Variants in RTEL1 observed in about 807,000 individuals in gnomAD.
The protein encoded by RTEL1 is regulator of telomere length.
Under a neutral mutation model 162.2 loss-of-function variants are expected in RTEL1, and 86 were observed. The observed-to-expected ratio is 0.53, with a 90% CI of 0.45 to 0.63. The LOEUF is 0.63. Ranked by LOEUF, RTEL1 falls within the 30% of genes least tolerant of loss-of-function variation. RTEL1 has a pLI of 0.00. For synonymous variants in RTEL1, 958 were observed against 717.9 expected, an observed-to-expected ratio of 1.33 and a Z score of -5.35; for missense variants, 1,941 against 1,750.2, an observed-to-expected ratio of 1.11 and a Z score of -1.95.
intron 30 of RTEL1, among the ~76,000 whole-genome samples, chr20:63,693,906 A>T (rs898482311): frequency 6.6e-6 from 1 of 150,442 alleles, no homozygotes; most frequent in African/African-American, 2.5e-5. Context: ...TGGGGGGTCA[A>T]CTGCACACGC....
intron 22 of RTEL1, 100 bp from the exon 23 acceptor site, chr20:63,689,402 T>G: frequency 1.5e-6 from 2 of 1,354,716 alleles, no homozygotes; most frequent in South Asian, 1.5e-5. Context: ...CTCCCACCCC[T>G]GGTTGGGGAC....
intron 9 of RTEL1, 40 bp from the exon 10 acceptor site, chr20:63,673,900 T>G (rs1050459022): frequency 6.4e-7 from 1 of 1,569,498 alleles, no homozygotes; most frequent in African/African-American, 1.4e-5. Context: ...CCCCCGATCC[T>G]GTCCTGTTCT....
Position 63,695,843 on chromosome 20 carries a change from G to A in RTEL1, c.3888G>A (p.Trp1296Ter). Residue 1296 changes from tryptophan to a stop codon, truncating the protein, a stop_gained, in exon 35 of 35, where the codon TGG becomes TGA. Coordinates refer to ENST00000360203, the MANE Select transcript of RTEL1 (RefSeq NM_001283009.2). LOFTEE classifies it high-confidence loss of function. The part of the protein sequence containing the change: ...SRKQSVMQVF[W>*]PEPQ Reference sequence around the variant, plus strand: ...AGCAGAGCGTCATGCAGGTCTTCTGGCCAGAGCCCCAGTGAGTGCCCACGG... The same window carrying A: ...AGCAGAGCGTCATGCAGGTCTTCTGACCAGAGCCCCAGTGAGTGCCCACGG... The A allele has an allele frequency of 6.3e-7, 1 of 1,594,050 alleles. No individual in the cohort carries two copies. The highest frequency in any genetic ancestry group is 8.5e-7 in the Non-Finnish European group (1 of 1,171,990).
rs371805350 is a variant in RTEL1 at position 63,695,079 on chromosome 20, T to C, written c.3357T>C (p.Phe1119=). ...AGCTCCCCGCAGGGTTCAGCATGTT[T>C]GTGCGTCCACACCACAAGCAGCGCT... The part of the protein sequence containing the change: ...DFPLLHRFSM[F]VRPHHKQRFS... The change falls in exon 33 of 35, where the codon TTT becomes TTC. Residue 1119 remains phenylalanine, a synonymous_variant. Coordinates refer to ENST00000360203, the MANE Select transcript of RTEL1 (RefSeq NM_001283009.2). 14 of 1,612,264 alleles carry C rather than the reference T, an allele frequency of 8.7e-6. No homozygotes were observed. In the African/African-American group the frequency reaches 1.3e-4, roughly 15 times the overall value.
At chr20:63,688,683 C>T in intron 21 of RTEL1, 78 bp downstream of exon 21, 1 of 1,380,648 alleles carries the variant, frequency 7.2e-7, no homozygotes, top group Non-Finnish European at 1.0e-6. Context: ...CAAGGCTGAC[C>T]ACTGGCCCTG....
chr20:63,685,281 T>G lies in RTEL1; in HGVS notation c.1192-242T>G, dbSNP rs3787088. ...AGGAGAGGCCCCTCGGGCTGCCGCA[T>G]TTTCAGTGCATGGAGATGGCCTATG... On this transcript the variant is annotated intron_variant, in intron 14 of 34. Coordinates refer to ENST00000360203, the MANE Select transcript of RTEL1 (RefSeq NM_001283009.2). Among the ~76,000 whole-genome samples, 105,074 of 151,472 alleles carry G rather than the reference T, an allele frequency of 0.69. 36,969 individuals carry two copies. Among genetic ancestry groups the G allele is most frequent in the African/African-American group, 0.74 (30,690 of 41,264 alleles).
chr20:63,690,769 C>T (rs767939366), intron 26 of RTEL1, 36 bp from the exon 27 acceptor site: 75 of 1,569,846 alleles, frequency 4.8e-5, no homozygotes, highest in Non-Finnish European at 3.5e-6. Flanking sequence ...CTGGGGCCCC[C>T]CGTGGGCTTC....
At chr20:63,693,618 T>TTCA (rs2090869029) in intron 30 of RTEL1, among the ~76,000 whole-genome samples, 3 of 1,904 alleles carry the variant, frequency 1.6e-3, no homozygotes, top group East Asian at 5.5e-3. Context: ...CACCTCCACC[T>TTCA]CCACCACCAC....
chr20:63,685,757 G>A (rs1043926444), intron 15 of RTEL1, 34 bp from the exon 16 acceptor site: 8 of 1,604,584 alleles, frequency 5.0e-6, no homozygotes, highest in Middle Eastern at 3.3e-4. Flanking sequence ...GGACATGGGC[G>A]GGGCCTCCAC....
chr20:63,661,866 C>T lies in RTEL1; in HGVS notation c.318C>T (p.Ile106=). 1.2e-6 allele frequency: 2 copies of T among 1,614,080 alleles called. No individual in the cohort carries two copies. The highest frequency in any genetic ancestry group is 1.7e-6 in the Non-Finnish European group (2 of 1,179,988). ...AGDPIACYTD[I]PKIIYASRTH... is the part of the protein sequence containing the mutation. ...TCTGGTCAGCTTGCTACACGGACAT[C>T]CCAAAGATTATTTACGCCTCCAGGA... Residue 106 remains isoleucine, a synonymous_variant, in exon 4 of 35, where the codon ATC becomes ATT. Transcript: ENST00000360203. The surrounding 1 kb of genome is among the most constrained non-coding windows in gnomAD (Gnocchi z 5.1).
intron 8 of RTEL1, among the ~76,000 whole-genome samples, chr20:63,669,643 C>T (rs1375026033): frequency 6.6e-6 from 1 of 152,214 alleles, no homozygotes. Flanking sequence ...ACAGACGTTT[C>T]ACCAAGATGG....
At chr20:63,657,842 T>C (rs905167571), upstream of RTEL1, 1 of 152,270 alleles carries the variant, frequency 6.6e-6, no homozygotes, top group African/African-American at 2.4e-5. Context: ...TGCCGGGTGC[T>C]GGGGACTCAG....
At chr20:63,678,667 A>G (rs1411074404) in intron 12 of RTEL1, among the ~76,000 whole-genome samples, 1 of 96,904 alleles carries the variant, frequency 1.0e-5, no homozygotes, top group African/African-American at 4.2e-5. Flanking sequence ...ACACACACCC[A>G]CGGAACGGCA....
chr20:63,674,231 A>G, intron 10 of RTEL1, 138 bp downstream of exon 10: 1 of 1,421,708 alleles, frequency 7.0e-7, no homozygotes, highest in Non-Finnish European at 9.3e-7. Flanking sequence ...GTGCTACTGC[A>G]GTGGGCAGCC....
At chr20:63,691,544 G>C (rs1055704545) in intron 27 of RTEL1, among the ~76,000 whole-genome samples, 198 bp from the exon 28 acceptor site, 1 of 152,076 alleles carries the variant, frequency 6.6e-6, no homozygotes, top group Non-Finnish European at 1.5e-5. Context: ...CACCACCTGC[G>C]AGCCTCATGA....
At chr20:63,692,286 G>C in intron 28 of RTEL1, 1 of 228,312 alleles carries the variant, frequency 4.4e-6, no homozygotes, top group South Asian at 6.2e-5. Context: ...CCCAGGCAGG[G>C]CTGGTGCCAT....
intron 30 of RTEL1, 96 bp downstream of exon 30, chr20:63,693,379 G>C: frequency 1.4e-6 from 2 of 1,452,672 alleles, no homozygotes; most frequent in Non-Finnish European, 1.9e-6. Flanking sequence ...CTCGGGCCCT[G>C]CTTGGCCCCG....
At chr20:63,691,150 C>G (rs2090731343) in intron 27 of RTEL1, among the ~76,000 whole-genome samples, 1 of 152,116 alleles carries the variant, frequency 6.6e-6, no homozygotes, top group Non-Finnish European at 1.5e-5. Flanking sequence ...CTGCTGGCTC[C>G]CAGGTGGTGC....
At chr20:63,669,400 T>C (rs1167414811) in intron 8 of RTEL1, among the ~76,000 whole-genome samples, 1 of 152,210 alleles carries the variant, frequency 6.6e-6, no homozygotes, top group East Asian at 1.9e-4. Context: ...CACAAGGCAC[T>C]AGCCATGAAG....
Sources: allele counts gnomAD v4.1 joint callset (sites outside exome capture counted in the v4.1 genomes callset), GRCh38; gene constraint gnomAD v4.1.1; non-coding constraint Gnocchi (gnomAD v3.1); transcripts MANE v1.5; gene names NCBI Gene and HGNC (gene_info 2026-07-23, HGNC 2026-07-21).